The following TCERG1L variants were observed in gnomAD, a reference collection of about 807,000 sequenced individuals.
TCERG1L encodes transcription elongation regulator 1-like protein.
Under a neutral mutation model 56.3 loss-of-function variants are expected in TCERG1L, and 37 were observed. The observed-to-expected ratio is 0.66, with a 90% CI of 0.51 to 0.87. The LOEUF is 0.87. Ranked by LOEUF, TCERG1L falls within the 40% of genes least tolerant of loss-of-function variation. TCERG1L has a pLI of 0.00. For synonymous variants in TCERG1L, 324 were observed against 326.3 expected (o/e 0.99, Z 0.08); for missense variants, 799 against 774.2 (o/e 1.03, Z -0.38).
intron 3 of TCERG1L, among the ~76,000 whole-genome samples, chr10:131,281,306 G>A (rs1396151177): frequency 6.6e-6 from 1 of 152,104 alleles, no homozygotes; most frequent in Non-Finnish European, 1.5e-5. Context: ...GCCCTGTGCT[G>A]CCCTCTGAGC....
intron 6 of TCERG1L, chr10:131,161,073 G>A (rs1023827965): frequency 6.6e-6 from 1 of 152,230 alleles, no homozygotes; most frequent in African/African-American, 2.4e-5. Flanking sequence ...ATCGTAAAAT[G>A]TATATGCAGT....
chr10:131,290,273 G>A (rs1265170602), intron 3 of TCERG1L, among the ~76,000 whole-genome samples: 1 of 152,194 alleles, frequency 6.6e-6, no homozygotes, highest in Non-Finnish European at 1.5e-5. Flanking sequence ...GTGTGTACAT[G>A]TTCACACGGA....
At chr10:131,201,767 G>A (rs977175442) in intron 4 of TCERG1L, among the ~76,000 whole-genome samples, 2 of 152,104 alleles carry the variant, frequency 1.3e-5, no homozygotes, top group Non-Finnish European at 1.5e-5. Flanking sequence ...CCTTCTCTGC[G>A]GGACTGTAAT....
At chr10:131,297,254 C>T (rs961146259) in intron 3 of TCERG1L, among the ~76,000 whole-genome samples, 7 of 152,130 alleles carry the variant, frequency 4.6e-5, no homozygotes, top group South Asian at 4.1e-4. Flanking sequence ...GAGTTACACA[C>T]GGTTTTTTGT....
At chr10:131,163,716 C>A (rs1431577839) in intron 5 of TCERG1L, among the ~76,000 whole-genome samples, 1 of 152,186 alleles carries the variant, frequency 6.6e-6, no homozygotes, top group Non-Finnish European at 1.5e-5. Context: ...TCTAGTTCCT[C>A]CCCAGGCTCC....
intron 6 of TCERG1L, among the ~76,000 whole-genome samples, chr10:131,155,384 C>A (rs1845908188): frequency 6.6e-6 from 1 of 152,220 alleles, no homozygotes; most frequent in Non-Finnish European, 1.5e-5. Flanking sequence ...GGGGCCCTGC[C>A]AGCTCTGCCC....
intron 6 of TCERG1L, 89 bp from the exon 7 acceptor site, chr10:131,146,749 C>CCGGCG: frequency 7.1e-7 from 1 of 1,415,948 alleles, no homozygotes. Flanking sequence ...AAAAGCCCCT[C>CCGGCG]AGGACCGAAA....
At chr10:131,296,767 TATTTG>T (rs1347865384) in intron 3 of TCERG1L, among the ~76,000 whole-genome samples, 1 of 152,254 alleles carries the variant, frequency 6.6e-6, no homozygotes, top group Non-Finnish European at 1.5e-5. Flanking sequence ...ATTAATGTCT[TATTTG>T]ATTTCTTTCA....
intron 4 of TCERG1L, among the ~76,000 whole-genome samples, chr10:131,215,355 A>G (rs1346627474): frequency 6.6e-6 from 1 of 152,248 alleles, no homozygotes; most frequent in Non-Finnish European, 1.5e-5. Flanking sequence ...CTAGGTAAAC[A>G]TATCAACTGC....
chr10:131,105,418 C>T (rs544245690), intron 9 of TCERG1L, among the ~76,000 whole-genome samples: 52 of 152,300 alleles, frequency 3.4e-4, no homozygotes, highest in Non-Finnish European at 5.6e-4. Context: ...GAAGTAGCTA[C>T]ATGAGTGACT....
At chr10:131,175,884 G>C (rs1053827787) in intron 4 of TCERG1L, among the ~76,000 whole-genome samples, 1 of 152,114 alleles carries the variant, frequency 6.6e-6, no homozygotes, top group Non-Finnish European at 1.5e-5. Context: ...GACAGGAAGC[G>C]GGGAGGAAGG....
chr10:131,230,178 C>T (rs1366429471), intron 4 of TCERG1L, among the ~76,000 whole-genome samples: 1 of 152,102 alleles, frequency 6.6e-6, no homozygotes, highest in Non-Finnish European at 1.5e-5. Context: ...GGGGCAGAGA[C>T]GTCCCCCAGG....
At chr10:131,139,471 G>T (rs185348227) in intron 7 of TCERG1L, among the ~76,000 whole-genome samples, 1 of 152,264 alleles carries the variant, frequency 6.6e-6, no homozygotes, top group African/African-American at 2.4e-5. Flanking sequence ...AACTGGGTGC[G>T]GGAGGCAGGG....
intron 4 of TCERG1L, among the ~76,000 whole-genome samples, chr10:131,242,619 T>C (rs73398427): frequency 0.036 from 5,439 of 152,268 alleles, 307 homozygotes; most frequent in East Asian, 0.24. Context: ...CGTTTCAGAT[T>C]TCAGGGTTTT....
chr10:131,100,707 G>A (rs962250183), intron 10 of TCERG1L, among the ~76,000 whole-genome samples: 1 of 152,232 alleles, frequency 6.6e-6, no homozygotes, highest in African/African-American at 2.4e-5. Context: ...GAAGGGCTGT[G>A]ATTTTCACAC....
chr10:131,219,768 C>T (rs759899588), intron 4 of TCERG1L, among the ~76,000 whole-genome samples: 9 of 152,314 alleles, frequency 5.9e-5, no homozygotes, highest in South Asian at 2.1e-4. Context: ...ATTTATCCCA[C>T]GCTTGGCAAT....
At chr10:131,177,819 T>G (rs1473594507) in intron 4 of TCERG1L, among the ~76,000 whole-genome samples, 1 of 151,214 alleles carries the variant, frequency 6.6e-6, no homozygotes, top group African/African-American at 2.4e-5. Context: ...ATGCCCCCCA[T>G]GTCTCCCCTG....
chr10:131,151,153 T>C (rs565595190), intron 6 of TCERG1L, among the ~76,000 whole-genome samples: 1 of 152,314 alleles, frequency 6.6e-6, no homozygotes, highest in East Asian at 1.9e-4. Context: ...AATCTCATGT[T>C]CCTTTCACAT....
chr10:131,287,761 T>A (rs1298217608), intron 3 of TCERG1L, among the ~76,000 whole-genome samples: 1 of 152,140 alleles, frequency 6.6e-6, no homozygotes, highest in East Asian at 1.9e-4. Context: ...CATCAATTAT[T>A]AAAATAATCA....
Sources: gnomAD v4.1 joint callset for allele counts (sites outside exome capture counted in the v4.1 genomes callset) on GRCh38, gnomAD v4.1.1 for gene constraint, MANE v1.5 for transcripts, NCBI Gene and HGNC (gene_info 2026-07-23, HGNC 2026-07-21) for gene names.